Variants in OPCML observed in about 807,000 individuals in gnomAD.
The protein encoded by OPCML is opioid binding protein/cell adhesion molecule like.
OPCML carries 13 observed loss-of-function variants against 37.8 expected under a neutral mutation model. The observed-to-expected ratio is 0.34, with a 90% CI of 0.22 to 0.55. OPCML has a LOEUF of 0.55. Among genes scored for constraint, OPCML ranks in the 20% least tolerant of loss-of-function variants. OPCML has a pLI of 0.91. For synonymous variants in OPCML, 176 were observed against 168.8 expected, an observed-to-expected ratio of 1.04 and a Z score of -0.33; for missense variants, 341 against 435.6, an observed-to-expected ratio of 0.78 and a Z score of 1.93.
rs1038620944 is a variant in OPCML, at chr11:133,024,500, T to C, written c.62-81490A>G. On this transcript the variant is annotated intron_variant, in intron 1 of 7. Coordinates refer to ENST00000524381, the MANE Select transcript of OPCML (RefSeq NM_001012393.5). ...GGCAGGTTTCACGGGTAATGAGATG[T>C]AGAGTTTAAGAAACGCTTATTGCCT... is the stretch of plus-strand genomic sequence containing the variant. The C allele has an allele frequency of 7.1e-6, 7 of 985,280 alleles. No individual in the cohort carries two copies. The African/African-American group carries it at 8.7e-5, about 12-fold the overall frequency. 61.0% of individuals were successfully genotyped at this position (985,280 alleles called of 1,614,324 possible).
chr11:132,577,311 C>G (rs2096453174), intron 3 of OPCML, among the ~76,000 whole-genome samples: 1 of 152,114 alleles, frequency 6.6e-6, no homozygotes, highest in African/African-American at 2.4e-5. Context: ...AAATACCAAC[C>G]ATTGTCAATT....
chr11:133,386,150 A>G (rs1346997095), intron 1 of OPCML, among the ~76,000 whole-genome samples: 1 of 152,260 alleles, frequency 6.6e-6, no homozygotes, highest in African/African-American at 2.4e-5. Context: ...ATAATTACCC[A>G]GCTTACCATT....
At chr11:133,149,065 T>C (rs973646904) in intron 1 of OPCML, among the ~76,000 whole-genome samples, 2 of 152,176 alleles carry the variant, frequency 1.3e-5, no homozygotes, top group Non-Finnish European at 2.9e-5. Flanking sequence ...ACACTTCACC[T>C]GCTCTCTGAA....
At chr11:133,490,614 A>G (rs1471687981) in intron 1 of OPCML, among the ~76,000 whole-genome samples, 2 of 152,162 alleles carry the variant, frequency 1.3e-5, no homozygotes, top group African/African-American at 4.8e-5. Flanking sequence ...CCCAGGAGAT[A>G]TAAGTGAGAC....
intron 2 of OPCML, among the ~76,000 whole-genome samples, chr11:132,839,640 G>A (rs1487889455): frequency 2.6e-5 from 4 of 152,066 alleles, no homozygotes; most frequent in Non-Finnish European, 5.9e-5. Context: ...TGTTGTTGAC[G>A]CTGATTATTT....
At chr11:132,579,772 A>G (rs141860523) in intron 3 of OPCML, among the ~76,000 whole-genome samples, 4 of 152,158 alleles carry the variant, frequency 2.6e-5, no homozygotes, top group African/African-American at 4.8e-5. Flanking sequence ...TCAGCAGTCT[A>G]ATGGGCCCAG....
At chr11:132,607,914 T>C (rs1188461997) in intron 3 of OPCML, among the ~76,000 whole-genome samples, 2 of 152,044 alleles carry the variant, frequency 1.3e-5, no homozygotes, top group Admixed American at 6.6e-5. Flanking sequence ...TACAGTTCAG[T>C]AGAGGAAATA....
chr11:133,288,978 C>T (rs143263892), intron 1 of OPCML, among the ~76,000 whole-genome samples: 10 of 152,204 alleles, frequency 6.6e-5, no homozygotes, highest in East Asian at 1.9e-4. Context: ...CCATCAGGGA[C>T]GCACATGTGG....
chr11:133,161,674 T>C, intron 1 of OPCML, among the ~76,000 whole-genome samples: 1 of 152,208 alleles, frequency 6.6e-6, no homozygotes, highest in East Asian at 1.9e-4. Flanking sequence ...ATATATACTG[T>C]ATTGTAATTT....
intron 2 of OPCML, among the ~76,000 whole-genome samples, chr11:132,873,439 C>G (rs1296958572): frequency 6.6e-6 from 1 of 152,112 alleles, no homozygotes; most frequent in African/African-American, 2.4e-5. Context: ...CCCCTTACTG[C>G]GCCCTTTCCC....
At chr11:132,618,352 A>G (rs1939165882) in intron 3 of OPCML, among the ~76,000 whole-genome samples, 1 of 152,190 alleles carries the variant, frequency 6.6e-6, no homozygotes, top group Non-Finnish European at 1.5e-5. Flanking sequence ...TAAAAATACA[A>G]AAATTAGCCA....
chr11:132,877,967 G>A (rs60096097), intron 2 of OPCML, among the ~76,000 whole-genome samples: 1 of 152,134 alleles, frequency 6.6e-6, no homozygotes, highest in African/African-American at 2.4e-5. Context: ...TGGCAAAATA[G>A]GTCAGGAGAG....
chr11:132,516,753 C>T (rs932237889), intron 4 of OPCML, among the ~76,000 whole-genome samples: 2 of 152,140 alleles, frequency 1.3e-5, no homozygotes, highest in African/African-American at 2.4e-5. Context: ...TCCTCAACAC[C>T]TTTCTCATGG....
intron 3 of OPCML, among the ~76,000 whole-genome samples, chr11:132,590,223 G>A (rs1419290128): frequency 6.6e-6 from 1 of 151,996 alleles, no homozygotes; most frequent in Non-Finnish European, 1.5e-5. Context: ...ACATAATAAA[G>A]AGGTCTGGAT....
chr11:133,315,389 T>C (rs1376740509), intron 1 of OPCML, among the ~76,000 whole-genome samples: 1 of 152,178 alleles, frequency 6.6e-6, no homozygotes, highest in Non-Finnish European at 1.5e-5. Flanking sequence ...CTGGTCTATA[T>C]GTTGAATTGA....
chr11:132,854,161 C>T (rs760892042), intron 2 of OPCML, among the ~76,000 whole-genome samples: 77 of 152,154 alleles, frequency 5.1e-4, no homozygotes, highest in Non-Finnish European at 1.5e-4. Flanking sequence ...ACTTTACTTA[C>T]TATTACCGAT....
chr11:133,063,784 A>T (rs899802174), intron 1 of OPCML, among the ~76,000 whole-genome samples: 3 of 151,286 alleles, frequency 2.0e-5, no homozygotes, highest in African/African-American at 2.4e-5. Context: ...CTGGTCTTGA[A>T]CTCCTGACCT....
intron 1 of OPCML, among the ~76,000 whole-genome samples, chr11:133,125,029 A>G (rs1467653940): frequency 1.3e-5 from 2 of 152,132 alleles, no homozygotes; most frequent in Non-Finnish European, 2.9e-5. Context: ...AAAAAGCCCC[A>G]ATGGCCTAAG....
intron 3 of OPCML, among the ~76,000 whole-genome samples, chr11:132,615,282 A>AG (rs1476990827): frequency 1.3e-5 from 2 of 152,188 alleles, no homozygotes; most frequent in Non-Finnish European, 2.9e-5. Context: ...GCAAGTTATA[A>AG]GGTCTGTCAA....
Sources: gnomAD v4.1 joint callset for allele counts (sites outside exome capture counted in the v4.1 genomes callset) on GRCh38, gnomAD v4.1.1 for gene constraint, MANE v1.5 for transcripts, NCBI Gene and HGNC (gene_info 2026-07-23, HGNC 2026-07-21) for gene names.